HEMK2: variants seen among roughly 807,000 people sequenced by gnomAD.
HEMK2 encodes methyltransferase HEMK2.
chr21:28,880,942 A>AAC, the HEMK2 span, among the ~76,000 whole-genome samples: 1 of 149,954 alleles, frequency 6.7e-6, no homozygotes, highest in African/African-American at 2.4e-5. Flanking sequence ...AAAAAAAAAA[A>AAC]AAAAAAAAAA....
At chr21:28,783,191 AT>A in the HEMK2 span, among the ~76,000 whole-genome samples, 82 of 148,534 alleles carry the variant, frequency 5.5e-4, no homozygotes, top group Middle Eastern at 6.9e-3. Context: ...GCCTGAAAGA[AT>A]TTTTTTTTTT....
At chr21:28,781,759 T>C in the HEMK2 span, among the ~76,000 whole-genome samples, 2 of 152,218 alleles carry the variant, frequency 1.3e-5, no homozygotes, top group African/African-American at 2.4e-5. Context: ...TATATGGGTA[T>C]AGTTATCCAC....
the HEMK2 span, among the ~76,000 whole-genome samples, chr21:28,720,838 G>A: frequency 6.6e-6 from 1 of 152,112 alleles, no homozygotes; most frequent in African/African-American, 2.4e-5. Flanking sequence ...TGGAGCTGGA[G>A]AAACACCAGA....
At chr21:28,880,184 C>A in the HEMK2 span, among the ~76,000 whole-genome samples, 1 of 152,122 alleles carries the variant, frequency 6.6e-6, no homozygotes, top group Non-Finnish European at 1.5e-5. Context: ...AGCCTATACT[C>A]CTCAACAGCA....
chr21:28,847,722 A>G, the HEMK2 span, among the ~76,000 whole-genome samples: 1 of 152,102 alleles, frequency 6.6e-6, no homozygotes, highest in East Asian at 1.9e-4. Flanking sequence ...GCTATTTCCT[A>G]GATTTTCTTC....
At chr21:28,616,457 A>C in the HEMK2 span, among the ~76,000 whole-genome samples, 1 of 152,310 alleles carries the variant, frequency 6.6e-6, no homozygotes, top group South Asian at 2.1e-4. Context: ...TTGTTTGAAA[A>C]GTTATGAATT....
chr21:28,819,471 C>A, the HEMK2 span, among the ~76,000 whole-genome samples: 2 of 150,606 alleles, frequency 1.3e-5, no homozygotes, highest in Non-Finnish European at 3.0e-5. Context: ...AATCTTTTGG[C>A]TTACTGATTT....
At chr21:28,756,644 G>A in the HEMK2 span, among the ~76,000 whole-genome samples, 1 of 152,180 alleles carries the variant, frequency 6.6e-6, no homozygotes, top group Non-Finnish European at 1.5e-5. Context: ...AGTTTAGCTA[G>A]TAAGTGAAAG....
the HEMK2 span, among the ~76,000 whole-genome samples, chr21:28,588,773 G>A: frequency 2.0e-5 from 3 of 152,032 alleles, no homozygotes; most frequent in Admixed American, 6.6e-5. Flanking sequence ...CACAAGGTCA[G>A]GAGATCGAGA....
the HEMK2 span, among the ~76,000 whole-genome samples, chr21:28,721,260 C>A: frequency 6.6e-6 from 1 of 151,988 alleles, no homozygotes; most frequent in Admixed American, 6.6e-5. Flanking sequence ...GGACTACAGG[C>A]ATGCACCACC....
At chr21:28,881,399 T>C in the HEMK2 span, among the ~76,000 whole-genome samples, 80 of 152,304 alleles carry the variant, frequency 5.3e-4, no homozygotes, top group African/African-American at 1.8e-3. Flanking sequence ...ATAACCCAAG[T>C]TGATCCAGAT....
the HEMK2 span, among the ~76,000 whole-genome samples, chr21:28,617,405 AC>A: frequency 2.6e-5 from 4 of 152,246 alleles, no homozygotes; most frequent in African/African-American, 9.6e-5. Context: ...CTGATTTCAT[AC>A]TGAAGTCCCT....
chr21:28,644,676 T>C, the HEMK2 span, among the ~76,000 whole-genome samples: 1 of 152,186 alleles, frequency 6.6e-6, no homozygotes, highest in Non-Finnish European at 1.5e-5. Flanking sequence ...AAACAACTCA[T>C]AGAGTCTTAA....
At chr21:28,697,772 T>C in the HEMK2 span, among the ~76,000 whole-genome samples, 53 of 41,282 alleles carry the variant, frequency 1.3e-3, no homozygotes, top group African/African-American at 0.015. Context: ...TGCAGAATCA[T>C]GAGCCCAAAA....
At chr21:28,726,781 G>A in the HEMK2 span, among the ~76,000 whole-genome samples, 1 of 150,872 alleles carries the variant, frequency 6.6e-6, no homozygotes, top group Non-Finnish European at 1.5e-5. Context: ...GGTGGTGGGT[G>A]CCTGTAATCC....
At chr21:28,847,296 A>C in the HEMK2 span, among the ~76,000 whole-genome samples, 1 of 152,116 alleles carries the variant, frequency 6.6e-6, no homozygotes, top group Non-Finnish European at 1.5e-5. Flanking sequence ...TTATTTCTTG[A>C]CATTTAATAA....
At chr21:28,646,134 G>C in the HEMK2 span, among the ~76,000 whole-genome samples, 14 of 152,232 alleles carry the variant, frequency 9.2e-5, no homozygotes, top group African/African-American at 3.4e-4. Flanking sequence ...GAGAACATCT[G>C]GCACATGTTT....
At chr21:28,583,043 A>T in the HEMK2 span, among the ~76,000 whole-genome samples, 2 of 152,210 alleles carry the variant, frequency 1.3e-5, no homozygotes, top group African/African-American at 4.8e-5. Context: ...TAGTGATATT[A>T]TTGGAAAAAC....
chr21:28,618,350 A>T, the HEMK2 span, among the ~76,000 whole-genome samples: 2 of 152,204 alleles, frequency 1.3e-5, no homozygotes, highest in Non-Finnish European at 1.5e-5. Context: ...GAACTTACAA[A>T]AGGAATTTTC....
Sources: gnomAD v4.1 joint callset for allele counts (sites outside exome capture counted in the v4.1 genomes callset) on GRCh38, gnomAD v4.1.1 for gene constraint, MANE v1.5 for transcripts, NCBI Gene and HGNC (gene_info 2026-07-23, HGNC 2026-07-21) for gene names.